FAM180B: variants seen among roughly 807,000 people sequenced by gnomAD.
FAM180B encodes the protein protein FAM180B.
A neutral mutation model predicts 13.6 loss-of-function variants in FAM180B; 14 were observed. The ratio of observed to expected loss-of-function variants is 1.03; its 90% confidence interval spans 0.68 to 1.60. The LOEUF (loss-of-function observed/expected upper bound fraction) is 1.60. FAM180B is among the 40% of genes most tolerant of loss of function. The pLI, the probability that FAM180B is intolerant of heterozygous loss-of-function variation, is 0.00. For synonymous variants in FAM180B, 109 were observed against 97.0 expected, an observed-to-expected ratio of 1.12 and a Z score of -0.72; for missense variants, 212 against 230.4, an observed-to-expected ratio of 0.92 and a Z score of 0.52.
Position 47,588,951 on chromosome 11 carries a change from G to A in FAM180B, c.*517G>A, listed in dbSNP as rs1399548663. 1 of 152,260 alleles carries A rather than the reference G, an allele frequency of 6.6e-6. No homozygotes were observed. Among genetic ancestry groups the A allele is most frequent in the African/African-American group, 2.4e-5 (1 of 41,428 alleles). 9.4% of individuals were successfully genotyped at this position (152,260 alleles called of 1,614,324 possible). A position where few individuals can be genotyped will look rare whatever the true frequency, so the allele number is the denominator to read the frequency against. On this transcript the variant is annotated 3_prime_UTR_variant, in exon 3 of 3. Transcript: ENST00000538490. Reference sequence around the variant, plus strand: ...GGATTTGGGGTCTCTGAGCCTCCAAGTTCCCATCTGGGTTGGGAGAATCGA... The same window carrying A: ...GGATTTGGGGTCTCTGAGCCTCCAAATTCCCATCTGGGTTGGGAGAATCGA...
chr11:47,588,476 TCTC>T lies in FAM180B; in HGVS notation c.*49_*51del, dbSNP rs2097273040. 1.8e-6 allele frequency: 2 copies of T among 1,087,468 alleles called. No individual in the cohort carries two copies. The highest frequency in any genetic ancestry group is 1.3e-6 in the Non-Finnish European group (1 of 773,014). The allele number at this position is 1,087,468 out of a possible 1,614,324, so 67.4% of individuals were successfully genotyped here. A position where few individuals can be genotyped will look rare whatever the true frequency, so the allele number is the denominator to read the frequency against. On this transcript the variant is annotated 3_prime_UTR_variant, in exon 3 of 3. Coordinates refer to ENST00000538490, the MANE Select transcript of FAM180B (RefSeq NM_001164379.3). ...TTTCACCTGCCATTACCCCCTCCCA[TCTC>T]CTCCTCAACCCCCCAGGCAGACCCA...
intron 1 of FAM180B, among the ~76,000 whole-genome samples, chr11:47,587,299 T>C (rs1444556432): frequency 6.6e-6 from 1 of 152,112 alleles, no homozygotes; most frequent in Non-Finnish European, 1.5e-5. Flanking sequence ...CCTCCCTCCC[T>C]TACTGCTGAG....
intron 2 of FAM180B, 53 bp downstream of exon 2, chr11:47,587,874 GCT>G: frequency 1.4e-6 from 2 of 1,468,944 alleles, no homozygotes; most frequent in Non-Finnish European, 1.8e-6. Flanking sequence ...AGGTCCCTAA[GCT>G]CAGGGTTGGG....
At chr11:47,586,928 G>A in intron 1 of FAM180B, 75 bp downstream of exon 1, 6 of 1,014,158 alleles carry the variant, frequency 5.9e-6, no homozygotes, top group Non-Finnish European at 8.9e-6. Flanking sequence ...CTCTATTTGA[G>A]GCTAGTCGGG....
chr11:47,588,294 G>A lies in FAM180B; in HGVS notation c.412G>A (p.Ala138Thr), dbSNP rs2097272841. Residue 138 changes from alanine (A) to threonine (T), a missense_variant, in exon 3 of 3, where the codon GCT becomes ACT. Ala to Thr is a moderately conservative substitution (Grantham distance 58). Transcript: ENST00000538490. Reference sequence around the variant, plus strand: ...CTACCGGCTCCACGCAGCTAGTGAGGCTGAGGAACGGGGCCGCTGGGCCCA... The same window carrying A: ...CTACCGGCTCCACGCAGCTAGTGAGACTGAGGAACGGGGCCGCTGGGCCCA... Reference protein sequence around the residue: ...CVYRLHAASEAEERGRWAQVF... With the variant: ...CVYRLHAASETEERGRWAQVF... 3.3e-6 allele frequency: 5 copies of A among 1,537,182 alleles called. No individual in the cohort carries two copies. The highest frequency in any genetic ancestry group is 1.7e-6 in the Non-Finnish European group (2 of 1,146,874).
rs542808344 is a variant in FAM180B at position 47,586,779 on chromosome 11, C to T, written c.11C>T (p.Thr4Ile). 2.0e-6 allele frequency: 3 copies of T among 1,537,110 alleles called. No homozygotes were observed. The highest frequency in any genetic ancestry group is 2.7e-5 in the African/African-American group (2 of 73,162). Residue 4 changes from threonine (T) to isoleucine (I), a missense_variant, in exon 1 of 3, where the codon ACC (threonine) becomes ATC (isoleucine). By Grantham distance (89) the Thr-to-Ile change is moderately conservative. Transcript: ENST00000538490. The part of the protein sequence containing the change: MAA[T>I]LQFLVCLVVA... ...AGGACGTGGTTGAGCATGGCTGCGACCCTGCAGTTCCTGGTTTGCCTGGTG... is the reference window on the plus strand; with the variant it reads ...AGGACGTGGTTGAGCATGGCTGCGATCCTGCAGTTCCTGGTTTGCCTGGTG...
rs1565945154 is a variant in FAM180B, at chr11:47,586,730, ACTG to A, written c.-35_-33del. The A allele has an allele frequency of 6.9e-7, 1 of 1,459,064 alleles. No homozygotes were observed. Among genetic ancestry groups the A allele is most frequent in the Admixed American group, 2.0e-5 (1 of 50,916 alleles). The allele number at this position is 1,459,064 out of a possible 1,614,324, so 90.4% of individuals were successfully genotyped here. ...TGGCAGGCAGATGAGGGAGCAGAGA[ACTG>A]CTGAACAGAGTGAGACTCAGAGGAC... On this transcript the variant is annotated 5_prime_UTR_variant, in exon 1 of 3. Coordinates refer to ENST00000538490, the MANE Select transcript of FAM180B (RefSeq NM_001164379.3).
rs924599028 is a variant in FAM180B, at chr11:47,587,748, C to T, written c.86-3C>T. ...GGGGCCTGACTCCTCTCTGCTGCCC[C>T]AGGGCAGCCCATGGACAGCACCAGC... On this transcript the variant is annotated splice_region_variant and splice_polypyrimidine_tract_variant and intron_variant, in intron 1 of 2. Coordinates refer to ENST00000538490, the MANE Select transcript of FAM180B (RefSeq NM_001164379.3). 3 of 1,519,720 alleles carry T rather than the reference C, an allele frequency of 2.0e-6. No homozygotes were observed. The highest frequency in any genetic ancestry group is 4.2e-5 in the Admixed American group (2 of 47,754). 94.1% of individuals were successfully genotyped at this position (1,519,720 alleles called of 1,614,324 possible).
rs1395286546 is a variant in FAM180B, at chr11:47,588,376, C to T, written c.494C>T (p.Pro165Leu). Residue 165 changes from proline to leucine, a missense_variant, in exon 3 of 3, where the codon CCC becomes CTC. Physicochemically the swap from Pro to Leu is moderately conservative, Grantham distance 98. Coordinates refer to ENST00000538490, the MANE Select transcript of FAM180B (RefSeq NM_001164379.3). ...TLWDLCKGFC[P>L]QDRPPSLGSW... ...TGGGACCTGTGCAAAGGTTTCTGCC[C>T]CCAGGACCGGCCCCCTTCCCTGGGG... The T allele has an allele frequency of 6.5e-7, 1 of 1,527,476 alleles. No homozygotes were observed. The highest frequency in any genetic ancestry group is 2.5e-5 in the East Asian group (1 of 40,600). 94.6% of individuals were successfully genotyped at this position (1,527,476 alleles called of 1,614,324 possible). A position where few individuals can be genotyped will look rare whatever the true frequency, so the allele number is the denominator to read the frequency against.
At chr11:47,587,873 A>T in intron 2 of FAM180B, 52 bp downstream of exon 2, 1 of 1,470,720 alleles carries the variant, frequency 6.8e-7, no homozygotes, top group Non-Finnish European at 9.1e-7. Context: ...GAGGTCCCTA[A>T]GCTCAGGGTT....
At position 47,588,474 on chromosome 11, in the gene FAM180B, C is replaced by T. The variant is rs1450531499; in HGVS notation, c.*40C>T. ...TCTTTCACCTGCCATTACCCCCTCC[C>T]ATCTCCTCCTCAACCCCCCAGGCAG... is the stretch of plus-strand genomic sequence containing the variant. On this transcript the variant is annotated 3_prime_UTR_variant, in exon 3 of 3. Coordinates refer to ENST00000538490, the MANE Select transcript of FAM180B (RefSeq NM_001164379.3). 17 of 1,137,296 alleles carry T rather than the reference C, an allele frequency of 1.5e-5. No individual in the cohort carries two copies. Among genetic ancestry groups the T allele is most frequent in the South Asian group, 6.3e-5 (4 of 63,580 alleles). The allele number at this position is 1,137,296 out of a possible 1,614,324, so 70.5% of individuals were successfully genotyped here. A position where few individuals can be genotyped will look rare whatever the true frequency, so the allele number is the denominator to read the frequency against.
In FAM180B at chr11:47,586,935, C is replaced by T. The variant is rs963409682; in HGVS notation, c.85+82C>T. 9.1e-5 allele frequency: 88 copies of T among 969,790 alleles called. No individual in the cohort carries two copies. In the African/African-American group the frequency reaches 1.2e-3, roughly 14 times the overall value. 60.1% of individuals were successfully genotyped at this position (969,790 alleles called of 1,614,324 possible). Reference sequence around the variant, plus strand: ...ACAGTTGGCTCTATTTGAGGCTAGTCGGGCATAGAAGCGTGGGCATGGTGG... The same window carrying T: ...ACAGTTGGCTCTATTTGAGGCTAGTTGGGCATAGAAGCGTGGGCATGGTGG... On this transcript the variant is annotated intron_variant, in intron 1 of 2. Transcript: ENST00000538490.
In FAM180B at chr11:47,588,082, AC is replaced by A; in HGVS notation, c.201del (p.His67GlnfsTer7). ...GAGCTGGATGTCATGGGGCAGCTGC[AC>A]ATCCAGGATGAGGAACTAGCGTCCA... ...GLELDVMGQLHIQDEELASTH... is the reference protein window; with the variant it reads ...GLELDVMGQLXIQDEELASTH... On this transcript the variant is annotated frameshift_variant, in exon 3 of 3. Transcript: ENST00000538490. LOFTEE classifies it low-confidence loss of function (END_TRUNC). 1 of 1,536,788 alleles carries A rather than the reference AC, an allele frequency of 6.5e-7. No homozygotes were observed. The highest frequency in any genetic ancestry group is 1.4e-5 in the African/African-American group (1 of 73,132).
Position 47,587,774 on chromosome 11 carries a change from G to C in FAM180B, c.109G>C (p.Val37Leu), listed in dbSNP as rs1038293184. 3.9e-6 allele frequency: 6 copies of C among 1,534,326 alleles called. No individual in the cohort carries two copies. In the Admixed American group the frequency reaches 7.9e-5, roughly 20 times the overall value. Residue 37 changes from valine to leucine, a missense_variant, in exon 2 of 3, where the codon GTG (valine) becomes CTG (leucine). By Grantham distance (32) the Val-to-Leu change is conservative (BLOSUM62 1). Transcript: ENST00000538490. ...HAGQPMDSTSVGGGLQEPEAP... is the reference protein window; with the variant it reads ...HAGQPMDSTSLGGGLQEPEAP... Reference sequence around the variant, plus strand: ...AGGGCAGCCCATGGACAGCACCAGCGTGGGAGGTGGCCTGCAGGAGCCAGA... The same window carrying C: ...AGGGCAGCCCATGGACAGCACCAGCCTGGGAGGTGGCCTGCAGGAGCCAGA...
In FAM180B at chr11:47,588,557, C is replaced by T. The variant is rs1262699989; in HGVS notation, c.*123C>T. On this transcript the variant is annotated 3_prime_UTR_variant, in exon 3 of 3. Coordinates refer to ENST00000538490, the MANE Select transcript of FAM180B (RefSeq NM_001164379.3). Reference sequence around the variant, plus strand: ...CTGATTCTTTTCACCGTGTTCAGATCTCTGGGCTTGGCTTGCACCCTGGAC... The same window carrying T: ...CTGATTCTTTTCACCGTGTTCAGATTTCTGGGCTTGGCTTGCACCCTGGAC... 1 of 599,814 alleles carries T rather than the reference C, an allele frequency of 1.7e-6. No homozygotes were observed. The highest frequency in any genetic ancestry group is 2.8e-5 in the East Asian group (1 of 35,830). 37.2% of individuals were successfully genotyped at this position (599,814 alleles called of 1,614,324 possible). A position where few individuals can be genotyped will look rare whatever the true frequency, so the allele number is the denominator to read the frequency against.
At position 47,588,674 on chromosome 11, in the gene FAM180B, G is replaced by A; in HGVS notation, c.*240G>A. On this transcript the variant is annotated 3_prime_UTR_variant, in exon 3 of 3. Transcript: ENST00000538490. The stretch of plus-strand genomic sequence containing the variant: ...CTGGGTCGCAAGGAGTGCGCAAGGA[G>A]TGGGCACAGAGCTAAGGGCACGACT... The A allele has an allele frequency of 2.0e-6, 1 of 508,442 alleles. No individual in the cohort carries two copies. Among genetic ancestry groups the A allele is most frequent in the Non-Finnish European group, 3.5e-6 (1 of 285,164 alleles). 31.5% of individuals were successfully genotyped at this position (508,442 alleles called of 1,614,324 possible). A position where few individuals can be genotyped will look rare whatever the true frequency, so the allele number is the denominator to read the frequency against.
intron 1 of FAM180B, among the ~76,000 whole-genome samples, chr11:47,587,402 A>G (rs1412285488): frequency 6.6e-6 from 1 of 152,108 alleles, no homozygotes; most frequent in Non-Finnish European, 1.5e-5. Flanking sequence ...TCAGATGACT[A>G]TAGGGAGGGG....
intron 1 of FAM180B, among the ~76,000 whole-genome samples, chr11:47,587,172 G>C (rs2097272024): frequency 6.6e-6 from 1 of 152,058 alleles, no homozygotes; most frequent in African/African-American, 2.4e-5. Context: ...GTGTGGGCCG[G>C]ACGGAGCTGC....
At position 47,588,208 on chromosome 11, in the gene FAM180B, A is replaced by G; in HGVS notation, c.326A>G (p.Lys109Arg). The part of the protein sequence containing the change: ...QWLQQLQDLR[K>R]GPPLSTWDFE... ...CTGCAGCAGCTCCAGGACCTGCGGA[A>G]GGGGCCTCCTCTTAGCACTTGGGAC... The change falls in exon 3 of 3, where the codon AAG becomes AGG. Residue 109 changes from lysine to arginine, a missense_variant. By Grantham distance (26) the Lys-to-Arg change is conservative. Transcript: ENST00000538490. 1 of 1,537,126 alleles carries G rather than the reference A, an allele frequency of 6.5e-7. No homozygotes were observed. The highest frequency in any genetic ancestry group is 8.7e-7 in the Non-Finnish European group (1 of 1,146,832).
Sources: allele counts gnomAD v4.1 joint callset (sites outside exome capture counted in the v4.1 genomes callset), GRCh38; gene constraint gnomAD v4.1.1; transcripts MANE v1.5; gene names NCBI Gene and HGNC (gene_info 2026-07-23, HGNC 2026-07-21).